The following ACBD6 variants were observed in gnomAD, a reference collection of about 807,000 sequenced individuals.
ACBD6 encodes the protein acyl-CoA-binding domain-containing protein 6.
In ACBD6, 28 loss-of-function variants were observed where a neutral mutation model predicts 37.2. The observed-to-expected ratio is 0.75, with a 90% CI of 0.56 to 1.03. ACBD6 has a LOEUF of 1.03. Among genes scored for constraint, ACBD6 ranks in the 50% least tolerant of loss-of-function variants. ACBD6 has a pLI of 0.00. For missense variants in ACBD6, 340 were observed against 337.4 expected, an observed-to-expected ratio of 1.01 and a Z score of -0.06; for synonymous variants, 113 against 126.8, an observed-to-expected ratio of 0.89 and a Z score of 0.73.
intron 5 of ACBD6, among the ~76,000 whole-genome samples, chr1:180,413,110 C>T (rs58369506): frequency 0.091 from 13,801 of 152,218 alleles, 830 homozygotes; most frequent in African/African-American, 0.15. Context: ...TAATCTCTCC[C>T]TTTAGCATAA....
At chr1:180,373,391 A>C (rs1478325779) in intron 6 of ACBD6, among the ~76,000 whole-genome samples, 1 of 152,212 alleles carries the variant, frequency 6.6e-6, no homozygotes, top group Non-Finnish European at 1.5e-5. Context: ...AACATTCAAT[A>C]ATCTAAGAGC....
chr1:180,286,711 TAATTA>T (rs571617848), downstream of ACBD6, among the ~76,000 whole-genome samples: 722 of 151,224 alleles, frequency 4.8e-3, 2 homozygotes, highest in Non-Finnish European at 7.6e-3. Flanking sequence ...TTCCACAGAT[TAATTA>T]AATTATTTCA....
chr1:180,491,657 C>A (rs1319187455), intron 3 of ACBD6, among the ~76,000 whole-genome samples: 1 of 152,126 alleles, frequency 6.6e-6, no homozygotes, highest in African/African-American at 2.4e-5. Context: ...AAAACGAAAT[C>A]CAAGAGTAAC....
rs1307780082 is a variant in ACBD6 at position 180,434,735 on chromosome 1, G to GTTT, written c.385-4474_385-4473insAAA. On this transcript the variant is annotated intron_variant, in intron 3 of 7. Transcript: ENST00000367595. ...CCAATGTATTAATAAACTAGGAATAGAGTAAAACTACCTCAACAGGCCATA... is the reference window on the plus strand; with the variant it reads ...CCAATGTATTAATAAACTAGGAATAGTTTAGTAAAACTACCTCAACAGGCCATA... 1,387 of 546,906 alleles carry GTTT rather than the reference G, an allele frequency of 2.5e-3. 12 individuals carry two copies. The highest frequency in any genetic ancestry group is 0.023 in the African/African-American group (1,219 of 52,564). The allele number at this position is 546,906 out of a possible 1,614,324, so 33.9% of individuals were successfully genotyped here.
chr1:180,327,755 G>A (rs915160602), intron 6 of ACBD6, among the ~76,000 whole-genome samples: 1 of 152,150 alleles, frequency 6.6e-6, no homozygotes, highest in Non-Finnish European at 1.5e-5. Flanking sequence ...ATACAATGAA[G>A]GTCTAAACAA....
chr1:180,449,175 C>A (rs1649597248), intron 3 of ACBD6, among the ~76,000 whole-genome samples: 1 of 152,122 alleles, frequency 6.6e-6, no homozygotes, highest in African/African-American at 2.4e-5. Flanking sequence ...TAGAGACTGA[C>A]AACACAAGTT....
At chr1:180,409,548 A>G (rs1315545694) in intron 5 of ACBD6, among the ~76,000 whole-genome samples, 4 of 152,150 alleles carry the variant, frequency 2.6e-5, no homozygotes, top group African/African-American at 7.2e-5. Flanking sequence ...CAATACTTCA[A>G]AGTTTTTCAT....
At chr1:180,349,027 G>A (rs903153280) in intron 6 of ACBD6, among the ~76,000 whole-genome samples, 4 of 150,974 alleles carry the variant, frequency 2.6e-5, no homozygotes, top group African/African-American at 9.8e-5. Context: ...TATAGGCGAA[G>A]GGGCAATTTT....
intron 7 of ACBD6, among the ~76,000 whole-genome samples, chr1:180,293,331 C>T (rs1649791065): frequency 6.9e-6 from 1 of 144,104 alleles, no homozygotes; most frequent in African/African-American, 2.6e-5. Context: ...CAAAGTCTCA[C>T]TCTGTTGCCC....
intron 2 of ACBD6, among the ~76,000 whole-genome samples, chr1:180,495,167 G>T (rs1241450825): frequency 1.3e-5 from 2 of 152,166 alleles, no homozygotes; most frequent in Admixed American, 6.6e-5. Context: ...TCCATTAGGG[G>T]TTGAATGACA....
At chr1:180,317,831 T>C (rs897620544) in intron 6 of ACBD6, among the ~76,000 whole-genome samples, 4 of 151,842 alleles carry the variant, frequency 2.6e-5, no homozygotes, top group Non-Finnish European at 5.9e-5. Flanking sequence ...CTTGCTCATC[T>C]CTCTCCCAAT....
intron 6 of ACBD6, among the ~76,000 whole-genome samples, chr1:180,380,571 G>A (rs1392442295): frequency 6.6e-6 from 1 of 151,880 alleles, no homozygotes; most frequent in Non-Finnish European, 1.5e-5. Context: ...ACATGCTTAA[G>A]GGATACTCAG....
intron 1 of ACBD6, among the ~76,000 whole-genome samples, chr1:180,498,809 G>T (rs1651837843): frequency 6.7e-6 from 1 of 149,860 alleles, no homozygotes; most frequent in South Asian, 2.1e-4. Context: ...AGTGAGCCCA[G>T]ATTACGCCAC....
At chr1:180,463,581 A>C (rs1571544389) in intron 3 of ACBD6, among the ~76,000 whole-genome samples, 2 of 152,324 alleles carry the variant, frequency 1.3e-5, no homozygotes, top group South Asian at 4.1e-4. Context: ...CCAATCAAAA[A>C]AAAACCCAGG....
At chr1:180,498,046 T>C (rs892253512) in intron 1 of ACBD6, among the ~76,000 whole-genome samples, 2 of 152,234 alleles carry the variant, frequency 1.3e-5, no homozygotes, top group Non-Finnish European at 2.9e-5. Flanking sequence ...TACCAACACA[T>C]AATTTGTAAC....
At chr1:180,333,645 T>G (rs915048026) in intron 6 of ACBD6, among the ~76,000 whole-genome samples, 5 of 152,294 alleles carry the variant, frequency 3.3e-5, no homozygotes, top group African/African-American at 1.2e-4. Flanking sequence ...GTCATCTCAC[T>G]GGGGAGTGTC....
At chr1:180,291,369 C>T (rs938589424) in intron 7 of ACBD6, among the ~76,000 whole-genome samples, 11 of 152,266 alleles carry the variant, frequency 7.2e-5, no homozygotes, top group African/African-American at 2.6e-4. Context: ...GCACCCTTAC[C>T]AGCACTTTAC....
intron 10 of ACBD6, chr1:180,274,269 G>A (rs1372831967): frequency 6.2e-7 from 1 of 1,614,208 alleles, no homozygotes; most frequent in Admixed American, 1.7e-5. Context: ...TTAATGAATG[G>A]GAGCTTCTCC....
At chr1:180,338,898 G>A (rs1310485942) in intron 6 of ACBD6, among the ~76,000 whole-genome samples, 2 of 152,166 alleles carry the variant, frequency 1.3e-5, no homozygotes, top group Non-Finnish European at 2.9e-5. Context: ...CTCAAAAGAA[G>A]ACATTTATGC....
Sources: gnomAD v4.1 joint callset for allele counts (sites outside exome capture counted in the v4.1 genomes callset) on GRCh38, gnomAD v4.1.1 for gene constraint, MANE v1.5 for transcripts, NCBI Gene and HGNC (gene_info 2026-07-23, HGNC 2026-07-21) for gene names.